The following ZNF705A variants were observed in gnomAD, a reference collection of about 807,000 sequenced individuals.
ZNF705A encodes zinc finger protein 705A.
A neutral mutation model predicts 16.6 loss-of-function variants in ZNF705A; 8 were observed. The ratio of observed to expected loss-of-function variants is 0.48; its 90% CI spans 0.28 to 0.87. ZNF705A has a LOEUF of 0.87. Among genes scored for constraint, ZNF705A ranks in the 40% least tolerant of loss-of-function variants. The pLI is 0.10. For missense variants in ZNF705A, 233 were observed against 359.9 expected, an observed-to-expected ratio of 0.65 and a Z score of 2.85; for synonymous variants, 73 against 117.3, an observed-to-expected ratio of 0.62 and a Z score of 2.44.
chr12:8,163,490 C>T (rs1208089216), intron 1 of ZNF705A, among the ~76,000 whole-genome samples: 2 of 152,166 alleles, frequency 1.3e-5, no homozygotes, highest in Non-Finnish European at 2.9e-5. Flanking sequence ...CTTATTATTT[C>T]ATGCTATTTG....
At chr12:8,166,488 G>C (rs1013757645) in intron 1 of ZNF705A, among the ~76,000 whole-genome samples, 1 of 152,186 alleles carries the variant, frequency 6.6e-6, no homozygotes, top group Non-Finnish European at 1.5e-5. Flanking sequence ...GGTTTGATAA[G>C]GGGAAACCAG....
upstream of ZNF705A, among the ~76,000 whole-genome samples, chr12:8,168,587 T>C (rs1948419521): frequency 6.6e-6 from 1 of 152,232 alleles, no homozygotes; most frequent in African/African-American, 2.4e-5. Flanking sequence ...CATGTGACTA[T>C]AAACTGTAAA....
intron 1 of ZNF705A, 98 bp downstream of exon 2, chr12:8,172,735 T>C (rs1948455076): frequency 6.5e-7 from 1 of 1,543,186 alleles, no homozygotes. Context: ...TTTTATTCTT[T>C]TCTGTTTGTT....
chr12:8,176,002 T>C, intron 4 of ZNF705A, 60 bp downstream of exon 5: 1 of 1,602,402 alleles, frequency 6.2e-7, no homozygotes, highest in Non-Finnish European at 8.5e-7. Context: ...ATGGGTTAAG[T>C]TAGTAATGAA....
At chr12:8,158,094 A>G (rs1246823712) in intron 1 of ZNF705A, among the ~76,000 whole-genome samples, 1 of 152,128 alleles carries the variant, frequency 6.6e-6, no homozygotes, top group East Asian at 1.9e-4. Context: ...CACTCCTGGC[A>G]ATAGCAAGCA....
intron 1 of ZNF705A, among the ~76,000 whole-genome samples, chr12:8,157,502 A>C (rs1948319552): frequency 6.6e-6 from 1 of 152,156 alleles, no homozygotes; most frequent in South Asian, 2.1e-4. Context: ...GCCTTTGATT[A>C]ATTAATTCTC....
intron 1 of ZNF705A, among the ~76,000 whole-genome samples, chr12:8,167,486 A>T (rs1391854020): frequency 1.3e-5 from 2 of 152,164 alleles, no homozygotes; most frequent in East Asian, 3.9e-4. Flanking sequence ...TTCATATATA[A>T]GGGGAAGCCA....
chr12:8,172,855 G>A (rs996418323), intron 1 of ZNF705A, among the ~76,000 whole-genome samples: 2 of 152,122 alleles, frequency 1.3e-5, no homozygotes, highest in East Asian at 1.9e-4. Context: ...GTGGGGTATC[G>A]TGTGTCAAAG....
At chr12:8,173,043 C>G (rs761305403) in intron 1 of ZNF705A, among the ~76,000 whole-genome samples, 1 of 152,196 alleles carries the variant, frequency 6.6e-6, no homozygotes, top group South Asian at 2.1e-4. Flanking sequence ...CTGAAATAGA[C>G]TTAGGATTGT....
upstream of ZNF705A, among the ~76,000 whole-genome samples, chr12:8,167,621 C>T (rs900937843): frequency 3.3e-5 from 5 of 152,184 alleles, no homozygotes; most frequent in African/African-American, 1.2e-4. Flanking sequence ...CATCCTCCCA[C>T]TTTTTATTTC....
intron 1 of ZNF705A, among the ~76,000 whole-genome samples, chr12:8,162,018 C>T (rs1591621302): frequency 6.6e-6 from 1 of 152,158 alleles, no homozygotes; most frequent in Non-Finnish European, 1.5e-5. Flanking sequence ...AAATATGAGG[C>T]TATCTTGTTA....
At chr12:8,163,528 T>C (rs1948374494) in intron 1 of ZNF705A, among the ~76,000 whole-genome samples, 1 of 152,182 alleles carries the variant, frequency 6.6e-6, no homozygotes, top group Admixed American at 6.5e-5. Context: ...ATCAGCCTCA[T>C]CCTACATTGT....
rs780782311 is a variant in ZNF705A at position 8,159,013 on chromosome 12, C to T, written c.-72+1921C>T. On this transcript the variant is annotated intron_variant, in intron 1 of 5. Coordinates refer to the ZNF705A transcript ENST00000396570. ...CAAAGTCCATTGTATCATTCTTATG[C>T]CTTGTGTCCTCCTGGCTTAGCTCCC... Among the ~76,000 whole-genome samples the T allele has an allele frequency of 2.6e-5, 4 of 152,228 alleles. No homozygotes were observed. In the East Asian group the frequency reaches 5.8e-4, roughly 22 times the overall value.
At chr12:8,172,717 T>C (rs956454774) in intron 1 of ZNF705A, 80 bp downstream of exon 2, 50 of 1,564,636 alleles carry the variant, frequency 3.2e-5, no homozygotes, top group Non-Finnish European at 4.2e-5. Context: ...TTTGCATGGG[T>C]GTTTCATTTT....
chr12:8,178,615 A>G (rs1432196137), exon 5 of ZNF705A: 1 of 152,276 alleles, frequency 6.6e-6, no homozygotes, highest in East Asian at 1.9e-4. Context: ...TTGAGAAAAT[A>G]TCTATTCATA....
chr12:8,157,145 A>T, intron 1 of ZNF705A, 53 bp downstream of exon 1: 1 of 397,090 alleles, frequency 2.5e-6, no homozygotes, highest in Non-Finnish European at 4.4e-6. Flanking sequence ...CCACATTCCT[A>T]TTCAGCTTGT....
At chr12:8,165,062 A>G (rs1407516196) in intron 1 of ZNF705A, among the ~76,000 whole-genome samples, 2 of 152,170 alleles carry the variant, frequency 1.3e-5, no homozygotes, top group Non-Finnish European at 2.9e-5. Context: ...AGTAATTTGT[A>G]TATCCACCAC....
At chr12:8,168,106 G>A (rs891422559), upstream of ZNF705A, among the ~76,000 whole-genome samples, 3 of 152,174 alleles carry the variant, frequency 2.0e-5, no homozygotes, top group Non-Finnish European at 4.4e-5. Flanking sequence ...TTCCGGTGGA[G>A]TGTGCCCCCG....
intron 1 of ZNF705A, among the ~76,000 whole-genome samples, chr12:8,173,659 C>T (rs925305369): frequency 6.6e-6 from 1 of 152,124 alleles, no homozygotes; most frequent in Non-Finnish European, 1.5e-5. Context: ...AATTATATAA[C>T]GTTAAAGAGA....
Sources: gnomAD v4.1 joint callset for allele counts (sites outside exome capture counted in the v4.1 genomes callset) on GRCh38, gnomAD v4.1.1 for gene constraint, MANE v1.5 for transcripts, NCBI Gene and HGNC (gene_info 2026-07-23, HGNC 2026-07-21) for gene names.